The following EPSTI1 variants were observed in gnomAD, a reference collection of about 807,000 sequenced individuals.
The protein encoded by EPSTI1 is epithelial stromal interaction 1.
EPSTI1 carries 66 observed loss-of-function variants against 49.9 expected under a neutral mutation model. The observed-to-expected ratio is 1.32, with a 90% CI of 1.08 to 1.62. The LOEUF (loss-of-function observed/expected upper bound fraction) is 1.62. EPSTI1 is among the 40% of genes most tolerant of loss of function. The pLI, the probability that EPSTI1 is intolerant of heterozygous loss-of-function variation, is 0.00. For synonymous variants in EPSTI1, 137 were observed against 130.7 expected (o/e 1.05, Z -0.33); for missense variants, 394 against 365.5 (o/e 1.08, Z -0.64).
intron 10 of EPSTI1, among the ~76,000 whole-genome samples, chr13:42,893,059 A>G (rs2037083767): frequency 1.3e-5 from 2 of 152,240 alleles, no homozygotes; most frequent in Admixed American, 1.3e-4. Context: ...GACCATGAAA[A>G]GAACATTCTT....
At chr13:42,991,088 T>C (rs1358793070) in intron 1 of EPSTI1, 1 of 152,262 alleles carries the variant, frequency 6.6e-6, no homozygotes, top group African/African-American at 2.4e-5. Flanking sequence ...AGAGGTACTA[T>C]GGTCACTCAC....
chr13:42,953,243 G>A (rs2039155421), intron 6 of EPSTI1, among the ~76,000 whole-genome samples: 1 of 84,384 alleles, frequency 1.2e-5, no homozygotes, highest in Non-Finnish European at 2.3e-5. Context: ...GATATTATCT[G>A]TATTTAAGAA....
At chr13:42,900,221 A>G in intron 9 of EPSTI1, 89 bp downstream of exon 9, 1 of 1,165,300 alleles carries the variant, frequency 8.6e-7, no homozygotes, top group Non-Finnish European at 1.3e-6. Context: ...CATATTAATA[A>G]TGTTATCGTA....
intron 1 of EPSTI1, among the ~76,000 whole-genome samples, chr13:42,987,914 A>G (rs1007960169): frequency 1.3e-5 from 2 of 152,200 alleles, no homozygotes; most frequent in African/African-American, 4.8e-5. Context: ...TGCTATTATT[A>G]TTATTGCTCA....
chr13:42,926,862 C>G (rs546453641), intron 6 of EPSTI1, among the ~76,000 whole-genome samples: 86 of 152,224 alleles, frequency 5.6e-4, no homozygotes, highest in Admixed American at 1.1e-3. Context: ...GCCCTTTACC[C>G]TCTCATCTGC....
intron 6 of EPSTI1, among the ~76,000 whole-genome samples, chr13:42,937,099 A>G (rs1238569831): frequency 1.3e-5 from 2 of 152,260 alleles, no homozygotes; most frequent in African/African-American, 4.8e-5. Context: ...AGTGAGTCAC[A>G]TAAATTTTTT....
chr13:42,919,478 C>T (rs753492660), intron 7 of EPSTI1: 6 of 737,650 alleles, frequency 8.1e-6, no homozygotes, highest in African/African-American at 1.8e-5. Context: ...TTTTATCATT[C>T]AACCAAAATA....
intron 8 of EPSTI1, among the ~76,000 whole-genome samples, chr13:42,913,791 C>G (rs1239385076): frequency 1.3e-5 from 2 of 152,214 alleles, no homozygotes; most frequent in Admixed American, 6.5e-5. Context: ...TGGTTTGGCT[C>G]TGTGTCCCCA....
chr13:42,904,127 G>A (rs1052107808), intron 8 of EPSTI1, among the ~76,000 whole-genome samples: 1 of 152,114 alleles, frequency 6.6e-6, no homozygotes, highest in South Asian at 2.1e-4. Context: ...AAACAAGTGA[G>A]AAAAATATCC....
chr13:42,981,551 A>ACCATAC (rs949515725), intron 1 of EPSTI1, among the ~76,000 whole-genome samples: 1 of 152,094 alleles, frequency 6.6e-6, no homozygotes, highest in African/African-American at 2.4e-5. Context: ...ACAAATGCGT[A>ACCATAC]CCATACTGAG....
intron 6 of EPSTI1, among the ~76,000 whole-genome samples, chr13:42,942,012 T>C (rs952671873): frequency 1.3e-5 from 2 of 152,286 alleles, no homozygotes; most frequent in East Asian, 1.9e-4. Flanking sequence ...AGACAAATAG[T>C]TTTTGTCATA....
chr13:42,955,504 A>G (rs1566153494), intron 5 of EPSTI1, among the ~76,000 whole-genome samples: 1 of 152,164 alleles, frequency 6.6e-6, no homozygotes, highest in African/African-American at 2.4e-5. Flanking sequence ...ATTTTATCCA[A>G]CAAAAGTCTG....
At chr13:42,958,251 T>A (rs891142267) in intron 5 of EPSTI1, among the ~76,000 whole-genome samples, 4 of 152,090 alleles carry the variant, frequency 2.6e-5, no homozygotes, top group African/African-American at 7.2e-5. Flanking sequence ...TTTTTTTTTT[T>A]AAATAGAGAT....
chr13:42,888,600 C>A, intron 10 of EPSTI1, 98 bp from the exon 11 acceptor site: 1 of 1,281,632 alleles, frequency 7.8e-7, no homozygotes. Context: ...CGCTCTTATG[C>A]ATCAAGCTGA....
chr13:42,943,073 T>G (rs1002354531), intron 6 of EPSTI1, among the ~76,000 whole-genome samples: 3 of 152,246 alleles, frequency 2.0e-5, no homozygotes, highest in African/African-American at 7.2e-5. Context: ...CTGGTATCTA[T>G]GCCTTCCTCT....
intron 6 of EPSTI1, among the ~76,000 whole-genome samples, chr13:42,938,414 T>C (rs2038636161): frequency 6.6e-6 from 1 of 152,102 alleles, no homozygotes. Flanking sequence ...TCATAGAGCA[T>C]ACACACAATT....
chr13:42,964,286 C>A, intron 3 of EPSTI1, 147 bp from the exon 4 acceptor site: 1 of 556,208 alleles, frequency 1.8e-6, no homozygotes, highest in Non-Finnish European at 3.0e-6. Flanking sequence ...ACCAGTTTTC[C>A]AAGAAGACCT....
rs1190044912 is a variant in EPSTI1, at chr13:42,889,479, G to A, written c.916-977C>T. ...TATCATAATTTCTGCCTTCCTCCTT[G>A]TTTACTCTGTCTCTGGCTTTTTACT... On this transcript the variant is annotated intron_variant, in intron 10 of 10. Coordinates refer to ENST00000313624, the MANE Select transcript of EPSTI1 (RefSeq NM_033255.5). 9.2e-5 allele frequency among the ~76,000 whole-genome samples: 14 copies of A among 151,998 alleles called. 1 individual carries two copies. The highest frequency in any genetic ancestry group is 5.9e-4 in the Admixed American group (9 of 15,248).
intron 8 of EPSTI1, among the ~76,000 whole-genome samples, chr13:42,907,231 T>A (rs6561091): frequency 1 from 152,038 of 152,334 alleles, 75,873 homozygotes; most frequent in Middle Eastern, 1. Flanking sequence ...AAATGCAAGG[T>A]AGACGTAGGT....
Sources: allele counts gnomAD v4.1 joint callset (sites outside exome capture counted in the v4.1 genomes callset), GRCh38; gene constraint gnomAD v4.1.1; transcripts MANE v1.5; gene names NCBI Gene and HGNC (gene_info 2026-07-23, HGNC 2026-07-21).